The following CLYBL variants were observed in gnomAD, a reference collection of about 807,000 sequenced individuals.
CLYBL encodes the protein citramalyl-CoA lyase.
Under a neutral mutation model 38.9 loss-of-function variants are expected in CLYBL, and 31 were observed. That is an observed-to-expected ratio of 0.80 (90% CI 0.60 to 1.08). CLYBL has a LOEUF of 1.08. Among genes scored for constraint, CLYBL ranks in the 50% least tolerant of loss-of-function variants. CLYBL has a pLI of 0.00. For synonymous variants in CLYBL, 171 were observed against 158.6 expected (o/e 1.08, Z -0.59); for missense variants, 434 against 411.6 (o/e 1.05, Z -0.47).
At chr13:99,663,256 GC>G (rs2047434821) in intron 1 of CLYBL, among the ~76,000 whole-genome samples, 1 of 152,196 alleles carries the variant, frequency 6.6e-6, no homozygotes, top group Non-Finnish European at 1.5e-5. Context: ...CAAACAGGGC[GC>G]CGTTTGATAC....
At chr13:99,673,887 A>ATATGT (rs2047603841) in intron 1 of CLYBL, among the ~76,000 whole-genome samples, 1 of 152,094 alleles carries the variant, frequency 6.6e-6, no homozygotes, top group African/African-American at 2.4e-5. Context: ...TGTACCTGGG[A>ATATGT]TATGTTTCGA....
chr13:99,653,513 C>G (rs994163297), intron 1 of CLYBL, among the ~76,000 whole-genome samples: 5 of 152,202 alleles, frequency 3.3e-5, no homozygotes, highest in African/African-American at 9.6e-5. Flanking sequence ...GGTGCTTGTT[C>G]ACCAGCCTTA....
intron 2 of CLYBL, among the ~76,000 whole-genome samples, chr13:99,812,669 C>T (rs570997843): frequency 6.6e-6 from 1 of 152,318 alleles, no homozygotes; most frequent in East Asian, 1.9e-4. Flanking sequence ...GGTCTCTTTT[C>T]CACATGAAGT....
At chr13:99,679,040 A>T (rs1040083948) in intron 1 of CLYBL, among the ~76,000 whole-genome samples, 10 of 152,182 alleles carry the variant, frequency 6.6e-5, no homozygotes, top group Non-Finnish European at 4.4e-5. Context: ...CATGTCTGTA[A>T]TCCCAGCATT....
At chr13:99,624,115 T>G (rs1409474051) in intron 1 of CLYBL, among the ~76,000 whole-genome samples, 1 of 105,652 alleles carries the variant, frequency 9.5e-6, no homozygotes, top group East Asian at 5.6e-4. Context: ...ACCTGAAGCA[T>G]GTCCTCCCTT....
chr13:99,868,351 T>C (rs2051802151), intron 6 of CLYBL, among the ~76,000 whole-genome samples: 6 of 152,140 alleles, frequency 3.9e-5, no homozygotes, highest in Admixed American at 3.9e-4. Context: ...TTTGTCCTAG[T>C]TGTTTGGCAT....
At chr13:99,702,500 C>G (rs111328491) in intron 1 of CLYBL, among the ~76,000 whole-genome samples, 14 of 151,866 alleles carry the variant, frequency 9.2e-5, no homozygotes, top group Non-Finnish European at 1.6e-4. Flanking sequence ...GGCGTGGTGT[C>G]GCATGCCTGT....
intron 1 of CLYBL, among the ~76,000 whole-genome samples, chr13:99,718,962 C>T (rs540651265): frequency 2.0e-5 from 3 of 152,088 alleles, no homozygotes; most frequent in Non-Finnish European, 4.4e-5. Flanking sequence ...CTTGCCTCAG[C>T]CTCCCCAGTA....
chr13:99,806,089 A>G (rs1009759929), intron 2 of CLYBL, among the ~76,000 whole-genome samples: 3 of 152,184 alleles, frequency 2.0e-5, no homozygotes, highest in Admixed American at 6.5e-5. Flanking sequence ...AAAGAGTTTC[A>G]TGTACATAAC....
intron 1 of CLYBL, among the ~76,000 whole-genome samples, chr13:99,699,184 G>A (rs537801302): frequency 1.1e-4 from 17 of 152,136 alleles, no homozygotes; most frequent in Admixed American, 3.3e-4. Context: ...TCGGGAGTTC[G>A]AGACCAGCCT....
At chr13:99,730,042 C>T (rs539684633) in intron 1 of CLYBL, among the ~76,000 whole-genome samples, 2 of 147,626 alleles carry the variant, frequency 1.4e-5, no homozygotes, top group Non-Finnish European at 3.0e-5. Context: ...TCAGCGTGGC[C>T]GGTGCCTCCA....
intron 2 of CLYBL, among the ~76,000 whole-genome samples, chr13:99,851,925 C>A (rs1010625461): frequency 6.6e-6 from 1 of 152,132 alleles, no homozygotes; most frequent in South Asian, 2.1e-4. Context: ...ATAATAGCCA[C>A]AAAGTGGAAA....
intron 1 of CLYBL, among the ~76,000 whole-genome samples, chr13:99,730,793 G>A (rs2048575464): frequency 6.6e-6 from 1 of 152,132 alleles, no homozygotes; most frequent in South Asian, 2.1e-4. Flanking sequence ...CTAAAGAGTA[G>A]GGGCTTGGGC....
chr13:99,720,690 T>C (rs575978540), intron 1 of CLYBL, among the ~76,000 whole-genome samples: 9 of 152,350 alleles, frequency 5.9e-5, no homozygotes, highest in African/African-American at 1.9e-4. Context: ...ATTCCATTAA[T>C]TTTTGGTTGA....
chr13:99,838,862 A>G (rs144822471), intron 2 of CLYBL, among the ~76,000 whole-genome samples: 2,270 of 152,228 alleles, frequency 0.015, 65 homozygotes, highest in African/African-American at 0.052. Context: ...TATGGTCTCA[A>G]TCTCCTGACC....
At chr13:99,731,973 A>T (rs1374774182) in intron 1 of CLYBL, among the ~76,000 whole-genome samples, 1 of 152,096 alleles carries the variant, frequency 6.6e-6, no homozygotes, top group African/African-American at 2.4e-5. Context: ...GCATACAGGC[A>T]TCCCTGCACG....
intron 1 of CLYBL, among the ~76,000 whole-genome samples, chr13:99,740,321 G>T (rs1164863986): frequency 3.9e-5 from 6 of 152,212 alleles, no homozygotes; most frequent in Admixed American, 2.0e-4. Context: ...TGTGCTAAGA[G>T]GCTCGAAAGT....
chr13:99,682,874 C>G (rs965966371), intron 1 of CLYBL, among the ~76,000 whole-genome samples: 1 of 150,852 alleles, frequency 6.6e-6, no homozygotes, highest in East Asian at 2.0e-4. Context: ...GTAGCTGGCA[C>G]TACAGGCACC....
At chr13:99,612,479 C>G (rs2046641857) in intron 1 of CLYBL, among the ~76,000 whole-genome samples, 2 of 147,704 alleles carry the variant, frequency 1.4e-5, no homozygotes, top group Admixed American at 1.4e-4. Flanking sequence ...CCTCCACATT[C>G]TAAGCTCAAA....
Sources: gnomAD v4.1 joint callset for allele counts (sites outside exome capture counted in the v4.1 genomes callset) on GRCh38, gnomAD v4.1.1 for gene constraint, MANE v1.5 for transcripts, NCBI Gene and HGNC (gene_info 2026-07-23, HGNC 2026-07-21) for gene names.